Variants in NUDT19 observed in about 807,000 individuals in gnomAD.
The protein encoded by NUDT19 is acyl-coenzyme A diphosphatase NUDT19.
A neutral mutation model predicts 22.2 loss-of-function variants in NUDT19; 31 were observed. The ratio of observed to expected loss-of-function variants is 1.40; its 90% CI spans 1.05 to 1.89. NUDT19 has a LOEUF of 1.89. NUDT19 is among the 40% of genes most tolerant of loss of function. The pLI is 0.00. For missense variants in NUDT19, 752 were observed against 514.2 expected, an observed-to-expected ratio of 1.46 and a Z score of -4.47; for synonymous variants, 325 against 230.8, an observed-to-expected ratio of 1.41 and a Z score of -3.70.
chr19:32,709,068 C>T (rs914000274), intron 1 of NUDT19, 117 bp from the exon 2 acceptor site: 6 of 738,804 alleles, frequency 8.1e-6, no homozygotes, highest in Non-Finnish European at 1.2e-5. Flanking sequence ...TCTCACAGGG[C>T]GCATTAATGA....
intron 1 of NUDT19, among the ~76,000 whole-genome samples, chr19:32,705,882 G>GTCAT (rs1486854815): frequency 6.6e-6 from 1 of 152,072 alleles, no homozygotes; most frequent in Non-Finnish European, 1.5e-5. Flanking sequence ...ACTGCACCTG[G>GTCAT]TCATTAGCTG....
chr19:32,702,769 A>G (rs1968349253), intron 1 of NUDT19, among the ~76,000 whole-genome samples: 1 of 151,986 alleles, frequency 6.6e-6, no homozygotes, highest in African/African-American at 2.4e-5. Flanking sequence ...TTTTGTTCCC[A>G]TCTATTTGTA....
chr19:32,711,271 C>T (rs890077788), intron 2 of NUDT19, among the ~76,000 whole-genome samples: 16 of 152,194 alleles, frequency 1.1e-4, no homozygotes, highest in Non-Finnish European at 1.9e-4. Context: ...TGAGACCAGC[C>T]TGGTAAACAT....
intron 1 of NUDT19, among the ~76,000 whole-genome samples, chr19:32,707,977 CAAA>C (rs76660223): frequency 1.6e-5 from 2 of 127,252 alleles, no homozygotes. Context: ...GACTCCGTTT[CAAA>C]AAAAAAAAAA....
At chr19:32,699,764 C>T (rs565215724) in intron 1 of NUDT19, among the ~76,000 whole-genome samples, 13 of 152,324 alleles carry the variant, frequency 8.5e-5, no homozygotes, top group South Asian at 2.1e-4. Flanking sequence ...TTCTTGGTTT[C>T]GCTGACTTCA....
At chr19:32,707,703 G>T (rs931271900) in intron 1 of NUDT19, among the ~76,000 whole-genome samples, 11 of 152,158 alleles carry the variant, frequency 7.2e-5, no homozygotes, top group African/African-American at 2.7e-4. Flanking sequence ...ATTAGGCCGG[G>T]CGCGGTGGCT....
intron 2 of NUDT19, among the ~76,000 whole-genome samples, 199 bp from the exon 3 acceptor site, chr19:32,711,553 A>G (rs893762701): frequency 1.3e-5 from 2 of 152,216 alleles, no homozygotes; most frequent in African/African-American, 4.8e-5. Flanking sequence ...AACATATTAA[A>G]TAGATCAAAA....
chr19:32,709,512 A>G, intron 2 of NUDT19, 120 bp downstream of exon 2: 1 of 759,572 alleles, frequency 1.3e-6, no homozygotes, highest in Non-Finnish European at 2.2e-6. Flanking sequence ...TCTACAGGGT[A>G]TTAGCTAAGT....
Position 32,696,320 on chromosome 19 carries a change from C to T in NUDT19, c.714+3646C>T, listed in dbSNP as rs62124357. Among the ~76,000 whole-genome samples the T allele has an allele frequency of 5.7e-3, 863 of 152,310 alleles. 6 individuals carry two copies. The highest frequency in any genetic ancestry group is 9.8e-3 in the Non-Finnish European group (669 of 68,022). On this transcript the variant is annotated intron_variant, in intron 1 of 2. Transcript: ENST00000397061. ...CTTGTATTATTTTGATAGCCTCTGA[C>T]ACTAAGACAGCCACTGCCACAACTA...
At position 32,692,482 on chromosome 19, in the gene NUDT19, C is replaced by T. The variant is rs754156029; in HGVS notation, c.522C>T (p.Asp174=). 1.3e-6 allele frequency: 2 copies of T among 1,553,056 alleles called. No homozygotes were observed. The highest frequency in any genetic ancestry group is 2.5e-5 in the East Asian group (1 of 40,542). The change falls in exon 1 of 3, where the codon GAC becomes GAT. Residue 174 remains aspartate (D), a synonymous_variant. Coordinates refer to ENST00000397061, the MANE Select transcript of NUDT19 (RefSeq NM_001105570.2). Reference sequence around the variant, plus strand: ...CCTGGCGCGACCGCGTGCGCCAGGACCCGCGCCACTTCCTGCGGCTGTGCG... The same window carrying T: ...CCTGGCGCGACCGCGTGCGCCAGGATCCGCGCCACTTCCTGCGGCTGTGCG... The part of the protein sequence containing the change: ...LASWRDRVRQ[D]PRHFLRLCAH...
chr19:32,694,101 G>A (rs1332958430), intron 1 of NUDT19, among the ~76,000 whole-genome samples: 2 of 152,178 alleles, frequency 1.3e-5, no homozygotes, highest in African/African-American at 2.4e-5. Context: ...GATTCTAGAG[G>A]AAACAAATTT....
chr19:32,692,703 A>G (rs1244967023), intron 1 of NUDT19, 29 bp downstream of exon 1: 6 of 1,423,720 alleles, frequency 4.2e-6, no homozygotes, highest in South Asian at 1.5e-5. Context: ...CTTGCTGCGG[A>G]CCGCCAGGAC....
intron 1 of NUDT19, among the ~76,000 whole-genome samples, chr19:32,708,074 G>C (rs1435172084): frequency 4.0e-5 from 6 of 151,348 alleles, no homozygotes; most frequent in Non-Finnish European, 8.8e-5. Context: ...GCTTGAACCC[G>C]GGAAGTAGAG....
At position 32,692,776 on chromosome 19, in the gene NUDT19, C is replaced by T. The variant is rs1056258631; in HGVS notation, c.714+102C>T. On this transcript the variant is annotated intron_variant, in intron 1 of 2. Transcript: ENST00000397061. The stretch of plus-strand genomic sequence containing the variant: ...AAGGGACCCCCGCATAGGCCAAGCC[C>T]AGAGAGATTAAGCAGCAAGGAACGC... 6 of 821,408 alleles carry T rather than the reference C, an allele frequency of 7.3e-6. No individual in the cohort carries two copies. In the Admixed American group the frequency reaches 2.2e-4, roughly 30 times the overall value. The allele number at this position is 821,408 out of a possible 1,614,324, so 50.9% of individuals were successfully genotyped here.
intron 1 of NUDT19, among the ~76,000 whole-genome samples, chr19:32,693,586 G>A (rs1968229954): frequency 6.6e-6 from 1 of 152,194 alleles, no homozygotes; most frequent in Non-Finnish European, 1.5e-5. Context: ...CCCATGTCCT[G>A]CTGATTGGTC....
intron 1 of NUDT19, among the ~76,000 whole-genome samples, chr19:32,694,601 C>G (rs1599796018): frequency 6.6e-6 from 1 of 152,232 alleles, no homozygotes; most frequent in Non-Finnish European, 1.5e-5. Flanking sequence ...TGGACTTGAG[C>G]TTTGAGGGGC....
chr19:32,692,819 T>G (rs892025567), intron 1 of NUDT19, 145 bp downstream of exon 1: 1 of 580,924 alleles, frequency 1.7e-6, no homozygotes, highest in Non-Finnish European at 2.8e-6. Context: ...GGCTGGAAAC[T>G]CTCACCCCTG....
chr19:32,700,541 C>T lies in NUDT19; in HGVS notation c.714+7867C>T, dbSNP rs146322577. Among the ~76,000 whole-genome samples, 19 of 152,288 alleles carry T rather than the reference C, an allele frequency of 1.2e-4. No homozygotes were observed. In the East Asian group the frequency reaches 1.5e-3, roughly 12 times the overall value. On this transcript the variant is annotated intron_variant, in intron 1 of 2. Coordinates refer to ENST00000397061, the MANE Select transcript of NUDT19 (RefSeq NM_001105570.2). ...CCTCTCACTGGGCTGAAGTGATTCT[C>T]GTCTCAGCTTCCCGGGTAGCTGGGC...
At chr19:32,705,297 G>A (rs181719915) in intron 1 of NUDT19, among the ~76,000 whole-genome samples, 5 of 151,050 alleles carry the variant, frequency 3.3e-5, no homozygotes, top group African/African-American at 7.3e-5. Flanking sequence ...GGTGGTGGGC[G>A]CCTATAGTTC....
Sources: allele counts gnomAD v4.1 joint callset (sites outside exome capture counted in the v4.1 genomes callset), GRCh38; gene constraint gnomAD v4.1.1; transcripts MANE v1.5; gene names NCBI Gene and HGNC (gene_info 2026-07-23, HGNC 2026-07-21).